SPIN1: variants seen among roughly 807,000 people sequenced by gnomAD.
SPIN1 encodes the protein spindlin-1.
A neutral mutation model predicts 26.0 loss-of-function variants in SPIN1; 3 were observed. The observed-to-expected ratio is 0.12, with a 90% CI of 0.05 to 0.30. The LOEUF is 0.30. Among genes scored for constraint, SPIN1 ranks in the 10% least tolerant of loss-of-function variants. SPIN1 has a pLI of 1.00. For missense variants in SPIN1, 126 were observed against 333.4 expected (o/e 0.38, Z 4.84); for synonymous variants, 101 against 116.5 (o/e 0.87, Z 0.86).
At chr9:88,396,203 C>G (rs538852008) in intron 1 of SPIN1, among the ~76,000 whole-genome samples, 1 of 151,698 alleles carries the variant, frequency 6.6e-6, no homozygotes, top group South Asian at 2.1e-4. Context: ...CGCGCCATTG[C>G]ACTTCAGCCT....
At position 88,448,887 on chromosome 9, in the gene SPIN1, C is replaced by G. The variant is rs74893126; in HGVS notation, c.53-54C>G. The G allele has an allele frequency of 5.6e-3, 8,692 of 1,539,168 alleles. 300 individuals are homozygous for G. The African/African-American group carries it at 0.09, about 16-fold the overall frequency. On this transcript the variant is annotated intron_variant, in intron 2 of 5. Transcript: ENST00000375859. ...TTCAGAAGTTAAGATTTCCTGCATTCTGAGGTATTCTTTTATCTGGTTTTC... is the reference window on the plus strand; with the variant it reads ...TTCAGAAGTTAAGATTTCCTGCATTGTGAGGTATTCTTTTATCTGGTTTTC...
intron 1 of SPIN1, among the ~76,000 whole-genome samples, chr9:88,418,556 AAC>A (rs1389791589): frequency 6.6e-6 from 1 of 152,158 alleles, no homozygotes; most frequent in Non-Finnish European, 1.5e-5. Context: ...TTTTTGCTTA[AAC>A]AGTTTTAGGA....
intron 1 of SPIN1, among the ~76,000 whole-genome samples, chr9:88,401,461 A>G (rs1390673107): frequency 6.6e-6 from 1 of 152,154 alleles, no homozygotes; most frequent in Non-Finnish European, 1.5e-5. Flanking sequence ...TGGATACCAA[A>G]ATCCATGGAT....
intron 2 of SPIN1, among the ~76,000 whole-genome samples, chr9:88,429,382 A>T (rs1827820771): frequency 6.6e-6 from 1 of 152,142 alleles, no homozygotes; most frequent in Non-Finnish European, 1.5e-5. Context: ...TTCTGATGCC[A>T]GTTCAGATGC....
intron 2 of SPIN1, among the ~76,000 whole-genome samples, chr9:88,431,536 C>T (rs1465810613): frequency 2.0e-5 from 3 of 152,064 alleles, no homozygotes; most frequent in South Asian, 2.1e-4. Flanking sequence ...GTGATCCACC[C>T]GCCTCGGCCT....
At chr9:88,395,039 A>AC (rs1318053765) in intron 1 of SPIN1, among the ~76,000 whole-genome samples, 1 of 151,530 alleles carries the variant, frequency 6.6e-6, no homozygotes, top group East Asian at 1.9e-4. Context: ...CGATCTCCTG[A>AC]CCTCGTGATC....
chr9:88,472,421 A>C (rs971395072), intron 5 of SPIN1, among the ~76,000 whole-genome samples: 1 of 150,008 alleles, frequency 6.7e-6, no homozygotes, highest in African/African-American at 2.5e-5. Flanking sequence ...TTTAGTAGAG[A>C]TGGCGTTTCA....
intron 1 of SPIN1, among the ~76,000 whole-genome samples, chr9:88,417,188 G>GT (rs1488773284): frequency 6.6e-6 from 1 of 152,192 alleles, no homozygotes; most frequent in East Asian, 1.9e-4. Context: ...TTAGCTATAT[G>GT]TTTTTTTCGT....
intron 3 of SPIN1, among the ~76,000 whole-genome samples, chr9:88,449,586 T>A (rs1407260954): frequency 6.8e-6 from 1 of 147,114 alleles, no homozygotes; most frequent in African/African-American, 2.7e-5. Flanking sequence ...TTTCCCTAAT[T>A]TTTTTTTGTG....
intron 2 of SPIN1, among the ~76,000 whole-genome samples, chr9:88,432,050 C>T (rs993865137): frequency 1.3e-5 from 2 of 152,096 alleles, no homozygotes; most frequent in African/African-American, 4.8e-5. Flanking sequence ...TAGATTTATT[C>T]TGTAACAGTG....
chr9:88,411,308 T>A, intron 1 of SPIN1: 1 of 1,373,486 alleles, frequency 7.3e-7, no homozygotes, highest in Non-Finnish European at 1.0e-6. Flanking sequence ...CCTGGAGCAC[T>A]TGGTGTTTGG....
In SPIN1 at chr9:88,426,524, A is replaced by G. The variant is rs1283533831; in HGVS notation, c.-16A>G. 1 of 1,611,006 alleles carries G rather than the reference A, an allele frequency of 6.2e-7. No individual in the cohort carries two copies. Among genetic ancestry groups the G allele is most frequent in the South Asian group, 1.1e-5 (1 of 90,542 alleles). ...CCCTAGTCCAGCAGCTCCGCTGCTCACTTAAATACAGATGAATGAAGACCC... is the reference window on the plus strand; with the variant it reads ...CCCTAGTCCAGCAGCTCCGCTGCTCGCTTAAATACAGATGAATGAAGACCC... On this transcript the variant is annotated 5_prime_UTR_variant, in exon 2 of 6. Transcript: ENST00000375859.
intron 1 of SPIN1, among the ~76,000 whole-genome samples, chr9:88,417,829 T>G (rs753375466): frequency 6.6e-6 from 1 of 152,224 alleles, no homozygotes; most frequent in African/African-American, 2.4e-5. Flanking sequence ...GAGACTCCTG[T>G]GATTCCTCTT....
chr9:88,478,624 A>G lies in SPIN1; in HGVS notation c.*3347A>G, dbSNP rs1221927842. Reference sequence around the variant, plus strand: ...ACAATATAAATCTGTTAATTCTGTAAGTAATTTTTATAATTATGATGTAAC... The same window carrying G: ...ACAATATAAATCTGTTAATTCTGTAGGTAATTTTTATAATTATGATGTAAC... On this transcript the variant is annotated 3_prime_UTR_variant, in exon 6 of 6. Coordinates refer to ENST00000375859, the MANE Select transcript of SPIN1 (RefSeq NM_006717.3). The G allele has an allele frequency of 6.6e-6, 1 of 152,128 alleles. No individual in the cohort carries two copies. The highest frequency in any genetic ancestry group is 6.6e-5 in the Admixed American group (1 of 15,260). The allele number at this position is 152,128 out of a possible 1,614,324, so 9.4% of individuals were successfully genotyped here. A position where few individuals can be genotyped will look rare whatever the true frequency, so the allele number is the denominator to read the frequency against.
At chr9:88,455,926 T>C (rs898033862) in intron 3 of SPIN1, among the ~76,000 whole-genome samples, 1 of 152,186 alleles carries the variant, frequency 6.6e-6, no homozygotes, top group African/African-American at 2.4e-5. Flanking sequence ...GAGGACAATT[T>C]GGGCAACAAA....
At chr9:88,447,473 G>A (rs1236026287) in intron 2 of SPIN1, among the ~76,000 whole-genome samples, 12 of 152,086 alleles carry the variant, frequency 7.9e-5, no homozygotes, top group Non-Finnish European at 1.2e-4. Flanking sequence ...GAGACTGTTG[G>A]AGTCTATTTT....
intron 2 of SPIN1, among the ~76,000 whole-genome samples, chr9:88,440,868 C>T (rs1034947924): frequency 3.3e-5 from 5 of 151,766 alleles, no homozygotes; most frequent in African/African-American, 9.7e-5. Flanking sequence ...CATGACACCG[C>T]GCCTGGCCTC....
intron 1 of SPIN1, among the ~76,000 whole-genome samples, chr9:88,409,824 C>T (rs374229236): frequency 6.7e-6 from 1 of 149,328 alleles, no homozygotes; most frequent in Non-Finnish European, 1.5e-5. Context: ...GGCAACAGAT[C>T]GAGACTCCGT....
In SPIN1 at chr9:88,475,470, C is replaced by A; in HGVS notation, c.*193C>A. On this transcript the variant is annotated 3_prime_UTR_variant, in exon 6 of 6. Coordinates refer to ENST00000375859, the MANE Select transcript of SPIN1 (RefSeq NM_006717.3). Reference sequence around the variant, plus strand: ...CAAAGCATTTTGTGTAAGGAGAACCCCTTTCTTTTAAAAGAAGTCTGTCTA... The same window carrying A: ...CAAAGCATTTTGTGTAAGGAGAACCACTTTCTTTTAAAAGAAGTCTGTCTA... 2.2e-6 allele frequency: 1 copy of A among 460,734 alleles called. No individual in the cohort carries two copies. The highest frequency in any genetic ancestry group is 3.7e-6 in the Non-Finnish European group (1 of 270,604). 28.5% of individuals were successfully genotyped at this position (460,734 alleles called of 1,614,324 possible).
Sources: gnomAD v4.1 joint callset for allele counts (sites outside exome capture counted in the v4.1 genomes callset) on GRCh38, gnomAD v4.1.1 for gene constraint, MANE v1.5 for transcripts, NCBI Gene and HGNC (gene_info 2026-07-23, HGNC 2026-07-21) for gene names.